PJA2: variants seen among roughly 807,000 people sequenced by gnomAD.
PJA2 encodes E3 ubiquitin-protein ligase Praja-2.
PJA2 carries 25 observed loss-of-function variants against 69.3 expected under a neutral mutation model. The observed-to-expected ratio is 0.36, with a 90% CI of 0.26 to 0.50. PJA2 has a LOEUF of 0.50. Among genes scored for constraint, PJA2 ranks in the 20% least tolerant of loss-of-function variants. The pLI is 0.96. For synonymous variants in PJA2, 308 were observed against 277.8 expected (o/e 1.11, Z -1.08); for missense variants, 809 against 830.2 (o/e 0.97, Z 0.31).
chr5:109,345,161 G>C (rs1410347640), intron 7 of PJA2, among the ~76,000 whole-genome samples: 2 of 138,194 alleles, frequency 1.4e-5, no homozygotes, highest in African/African-American at 5.6e-5. Context: ...TGACCAACAT[G>C]GTGAAATCCC....
intron 1 of PJA2, chr5:109,409,216 G>C (rs1226064189): frequency 6.6e-6 from 1 of 152,248 alleles, no homozygotes; most frequent in Non-Finnish European, 1.5e-5. Flanking sequence ...CTAACTGAGA[G>C]CAGCCCTGGC....
chr5:109,403,473 A>C (rs186674557), intron 1 of PJA2, among the ~76,000 whole-genome samples: 1 of 151,988 alleles, frequency 6.6e-6, no homozygotes, highest in African/African-American at 2.4e-5. Flanking sequence ...ATCCTAATAA[A>C]TTCTTTTTCA....
At chr5:109,356,123 A>G (rs1762409307) in intron 6 of PJA2, 97 bp from the exon 7 acceptor site, 2 of 785,688 alleles carry the variant, frequency 2.5e-6, no homozygotes, top group South Asian at 3.1e-5. Flanking sequence ...ACAAGCCGAT[A>G]AACATGCTGT....
intron 7 of PJA2, among the ~76,000 whole-genome samples, chr5:109,352,268 A>G (rs1384541906): frequency 6.6e-6 from 1 of 152,194 alleles, no homozygotes; most frequent in Non-Finnish European, 1.5e-5. Context: ...TCAAGATGCC[A>G]AATGTCACAT....
At chr5:109,385,577 T>G (rs1344371626) in intron 1 of PJA2, among the ~76,000 whole-genome samples, 1 of 152,048 alleles carries the variant, frequency 6.6e-6, no homozygotes, top group Non-Finnish European at 1.5e-5. Context: ...TAAATAGGAG[T>G]CTGGTGTTGA....
intron 6 of PJA2, among the ~76,000 whole-genome samples, chr5:109,360,698 T>A (rs994605084): frequency 1.3e-5 from 2 of 152,088 alleles, no homozygotes; most frequent in East Asian, 1.9e-4. Flanking sequence ...TTCTATAATT[T>A]AAAAAAAACT....
At chr5:109,349,359 G>C (rs1762215379) in intron 7 of PJA2, among the ~76,000 whole-genome samples, 1 of 152,194 alleles carries the variant, frequency 6.6e-6, no homozygotes, top group Non-Finnish European at 1.5e-5. Flanking sequence ...ACTGCTGGAG[G>C]AAAGGGCCTT....
intron 5 of PJA2, among the ~76,000 whole-genome samples, chr5:109,365,220 G>A (rs1213753952): frequency 6.6e-6 from 1 of 152,080 alleles, no homozygotes; most frequent in Non-Finnish European, 1.5e-5. Context: ...AATGAAACTG[G>A]TATACTCATG....
In PJA2 at chr5:109,367,144, AT is replaced by A. The variant is rs780016117; in HGVS notation, c.1469+1416del. ...GCAAGACTCCGTCTCAAAAAAAAAAATATATATATATATATATATATCTATG... is the reference window on the plus strand; with the variant it reads ...GCAAGACTCCGTCTCAAAAAAAAAAAATATATATATATATATATATCTATG... On this transcript the variant is annotated intron_variant, in intron 5 of 9. Transcript: ENST00000361189. 6.6e-3 allele frequency among the ~76,000 whole-genome samples: 860 copies of A among 131,166 alleles called. 4 individuals carry two copies. The highest frequency in any genetic ancestry group is 0.018 in the African/African-American group (627 of 33,994). The allele number at this position is 131,166 out of a possible 152,430, so 86.0% of individuals were successfully genotyped here.
chr5:109,351,391 C>G (rs1305605634), intron 7 of PJA2, among the ~76,000 whole-genome samples: 1 of 152,092 alleles, frequency 6.6e-6, no homozygotes, highest in Non-Finnish European at 1.5e-5. Flanking sequence ...TCACTTCCTA[C>G]AAAACACTTA....
At chr5:109,384,032 T>G (rs964075215) in intron 1 of PJA2, among the ~76,000 whole-genome samples, 1 of 152,248 alleles carries the variant, frequency 6.6e-6, no homozygotes, top group Non-Finnish European at 1.5e-5. Flanking sequence ...ACATCTGCTC[T>G]TGATAAACCT....
At chr5:109,380,597 C>A (rs1385670603) in intron 3 of PJA2, among the ~76,000 whole-genome samples, 1 of 151,222 alleles carries the variant, frequency 6.6e-6, no homozygotes. Flanking sequence ...CACTTGAGGT[C>A]AGGAGTTCGA....
Position 109,378,174 on chromosome 5 carries a change from A to G in PJA2, c.1283+30T>C, listed in dbSNP as rs202043973. ...AAAGAAACCACTTCATTTACTACAC[A>G]ATCGGAAAAAGTACTGGATGTGACC... On this transcript the variant is annotated intron_variant, in intron 4 of 9. Coordinates refer to ENST00000361189, the MANE Select transcript of PJA2 (RefSeq NM_014819.5). The G allele has an allele frequency of 4.3e-5, 65 of 1,515,378 alleles. No individual in the cohort carries two copies. The African/African-American group carries it at 7.3e-4, about 17-fold the overall frequency. 93.9% of individuals were successfully genotyped at this position (1,515,378 alleles called of 1,614,324 possible).
At chr5:109,385,766 A>C (rs1338472667) in intron 1 of PJA2, among the ~76,000 whole-genome samples, 1 of 152,188 alleles carries the variant, frequency 6.6e-6, no homozygotes, top group African/African-American at 2.4e-5. Flanking sequence ...TCCCTTTTCC[A>C]AAATGCTTGG....
intron 1 of PJA2, among the ~76,000 whole-genome samples, chr5:109,385,179 C>T (rs778852208): frequency 6.6e-6 from 1 of 152,178 alleles, no homozygotes; most frequent in Non-Finnish European, 1.5e-5. Context: ...AGATATTTGA[C>T]TTCTGTTTTA....
chr5:109,407,901 T>C (rs1025689394), intron 1 of PJA2, among the ~76,000 whole-genome samples: 1 of 152,124 alleles, frequency 6.6e-6, no homozygotes, highest in African/African-American at 2.4e-5. Context: ...CTCAATACTA[T>C]AAAGATCAGT....
intron 1 of PJA2, among the ~76,000 whole-genome samples, chr5:109,394,325 G>C (rs1352422583): frequency 4.0e-5 from 6 of 151,838 alleles, no homozygotes; most frequent in Admixed American, 3.9e-4. Context: ...TGGGATTACA[G>C]GTGTGAGCCG....
At chr5:109,368,963 G>C (rs1561352709) in intron 4 of PJA2, among the ~76,000 whole-genome samples, 1 of 152,032 alleles carries the variant, frequency 6.6e-6, no homozygotes, top group Non-Finnish European at 1.5e-5. Context: ...TACTGTTCTT[G>C]TGATACTGAG....
intron 9 of PJA2, among the ~76,000 whole-genome samples, chr5:109,341,966 T>C (rs1246229586): frequency 3.7e-4 from 35 of 95,852 alleles, no homozygotes; most frequent in Non-Finnish European, 4.1e-4. Context: ...GAGGAGCCCC[T>C]CTGCCCGGCC....
Sources: gnomAD v4.1 joint callset for allele counts (sites outside exome capture counted in the v4.1 genomes callset) on GRCh38, gnomAD v4.1.1 for gene constraint, MANE v1.5 for transcripts, NCBI Gene and HGNC (gene_info 2026-07-23, HGNC 2026-07-21) for gene names.